Variants in FAM107B observed in about 807,000 individuals in gnomAD.
FAM107B encodes protein FAM107B.
A neutral mutation model predicts 31.5 loss-of-function variants in FAM107B; 21 were observed. The ratio of observed to expected loss-of-function variants is 0.67; its 90% CI spans 0.47 to 0.96. FAM107B has a LOEUF of 0.96. Among genes scored for constraint, FAM107B ranks in the 40% least tolerant of loss-of-function variants. The pLI is 0.00. For synonymous variants in FAM107B, 157 were observed against 141.5 expected, an observed-to-expected ratio of 1.11 and a Z score of -0.78; for missense variants, 452 against 377.1, an observed-to-expected ratio of 1.20 and a Z score of -1.64.
chr10:14,541,587 A>G (rs1848208084), intron 2 of FAM107B, among the ~76,000 whole-genome samples: 1 of 151,946 alleles, frequency 6.6e-6, no homozygotes, highest in Admixed American at 6.5e-5. Flanking sequence ...GACATGTCCT[A>G]CTGTTTGAAC....
At chr10:14,597,160 C>A (rs147994991) in intron 2 of FAM107B, among the ~76,000 whole-genome samples, 64 of 152,274 alleles carry the variant, frequency 4.2e-4, no homozygotes, top group African/African-American at 1.5e-3. Context: ...TATTATGAAG[C>A]CCCCTCTACA....
intron 1 of FAM107B, among the ~76,000 whole-genome samples, chr10:14,695,616 A>C (rs183248284): frequency 1.5e-3 from 224 of 152,318 alleles, no homozygotes; most frequent in Middle Eastern, 3.4e-3. Flanking sequence ...CTTCCAATCC[A>C]TGAGCAGGAG....
chr10:14,548,699 G>C, intron 2 of FAM107B: 1 of 973,216 alleles, frequency 1.0e-6, no homozygotes, highest in Non-Finnish European at 1.2e-6. Context: ...GGCCAGAACA[G>C]TGTCACATGA....
At position 14,603,029 on chromosome 10, in the gene FAM107B, A is replaced by ACT. The variant is rs1554839345; in HGVS notation, c.469+64604_469+64605insAG. Among the ~76,000 whole-genome samples the ACT allele has an allele frequency of 3.0e-4, 46 of 151,286 alleles. 1 individual carries two copies. The East Asian group carries it at 8.7e-3, about 29-fold the overall frequency. On this transcript the variant is annotated intron_variant, in intron 2 of 4. Transcript: ENST00000181796. Reference sequence around the variant, plus strand: ...CACACACACACACACACACACACACACAAACACACTATGGCTGCCAAGTCA... The same window carrying ACT: ...CACACACACACACACACACACACACACTCAAACACACTATGGCTGCCAAGTCA...
intron 2 of FAM107B, among the ~76,000 whole-genome samples, chr10:14,593,985 C>A (rs758898571): frequency 2.0e-5 from 3 of 152,146 alleles, no homozygotes; most frequent in Non-Finnish European, 4.4e-5. Context: ...AAATTCCATT[C>A]ATTAATAGGG....
At chr10:14,741,130 G>A (rs2131573289) in intron 1 of FAM107B, among the ~76,000 whole-genome samples, 1 of 152,240 alleles carries the variant, frequency 6.6e-6, no homozygotes, top group East Asian at 1.9e-4. Flanking sequence ...CTGGCAAGAT[G>A]ACAGCCAGAA....
chr10:14,614,507 T>C (rs751860716), intron 2 of FAM107B, among the ~76,000 whole-genome samples: 1 of 151,698 alleles, frequency 6.6e-6, no homozygotes, highest in Non-Finnish European at 1.5e-5. Context: ...ACCCAGTCTC[T>C]ACTAAAAATA....
intron 2 of FAM107B, among the ~76,000 whole-genome samples, chr10:14,649,628 C>T (rs1463830178): frequency 6.6e-6 from 1 of 152,194 alleles, no homozygotes; most frequent in Non-Finnish European, 1.5e-5. Context: ...CACCTGTGAC[C>T]TGGACACCCC....
chr10:14,689,647 C>T (rs984170135), intron 1 of FAM107B, among the ~76,000 whole-genome samples: 1 of 152,048 alleles, frequency 6.6e-6, no homozygotes, highest in African/African-American at 2.4e-5. Context: ...CAATATTTTT[C>T]GCTTTTAATT....
chr10:14,621,281 C>T (rs993707876), intron 2 of FAM107B, among the ~76,000 whole-genome samples: 8 of 152,102 alleles, frequency 5.3e-5, no homozygotes, highest in Non-Finnish European at 1.0e-4. Flanking sequence ...CATTAAACTG[C>T]TGTTTATATT....
intron 2 of FAM107B, among the ~76,000 whole-genome samples, chr10:14,572,989 C>T (rs1368901612): frequency 6.6e-6 from 1 of 151,762 alleles, no homozygotes; most frequent in Non-Finnish European, 1.5e-5. Context: ...TATACCAAAG[C>T]AGCAAGAGTG....
chr10:14,595,870 C>G (rs1276856541), intron 2 of FAM107B, among the ~76,000 whole-genome samples: 9 of 152,210 alleles, frequency 5.9e-5, no homozygotes, highest in Non-Finnish European at 4.4e-5. Flanking sequence ...ACCAGCGGCA[C>G]CCCGGCTGGT....
chr10:14,564,405 AAT>A (rs1850491551), intron 2 of FAM107B, among the ~76,000 whole-genome samples: 1 of 152,156 alleles, frequency 6.6e-6, no homozygotes, highest in South Asian at 2.1e-4. Context: ...TCTATATCAA[AAT>A]AGTTTTCAAA....
At chr10:14,677,099 C>T (rs1378197538) in intron 1 of FAM107B, among the ~76,000 whole-genome samples, 1 of 152,182 alleles carries the variant, frequency 6.6e-6, no homozygotes, top group Non-Finnish European at 1.5e-5. Context: ...TTTCCCTCCT[C>T]TTTCTATCCA....
chr10:14,570,436 C>G (rs1380174965), intron 2 of FAM107B, among the ~76,000 whole-genome samples: 1 of 152,172 alleles, frequency 6.6e-6, no homozygotes, highest in Non-Finnish European at 1.5e-5. Flanking sequence ...CAAGTACCGA[C>G]AGGTACTGGA....
chr10:14,767,051 TATATAGAGAGAG>T (rs1399077103), intron 1 of FAM107B, among the ~76,000 whole-genome samples: 64 of 31,810 alleles, frequency 2.0e-3, no homozygotes, highest in East Asian at 0.011. Context: ...TATATATATA[TATATAGAGAGAG>T]AGAGAGAGAG....
chr10:14,653,002 G>A (rs1163880045), intron 2 of FAM107B, among the ~76,000 whole-genome samples: 1 of 152,216 alleles, frequency 6.6e-6, no homozygotes, highest in African/African-American at 2.4e-5. Flanking sequence ...TGGACTTCTA[G>A]AAACATGGCC....
intron 2 of FAM107B, among the ~76,000 whole-genome samples, chr10:14,544,326 C>G (rs1190152487): frequency 6.6e-6 from 1 of 152,174 alleles, no homozygotes; most frequent in African/African-American, 2.4e-5. Flanking sequence ...TACATTACAG[C>G]ATCATTCAGT....
intron 1 of FAM107B, among the ~76,000 whole-genome samples, chr10:14,724,948 A>T (rs1588733218): frequency 6.6e-6 from 1 of 152,250 alleles, no homozygotes; most frequent in South Asian, 2.1e-4. Flanking sequence ...TTGCAGAACC[A>T]TCCACAAGGC....
Sources: gnomAD v4.1 joint callset for allele counts (sites outside exome capture counted in the v4.1 genomes callset) on GRCh38, gnomAD v4.1.1 for gene constraint, MANE v1.5 for transcripts, NCBI Gene and HGNC (gene_info 2026-07-23, HGNC 2026-07-21) for gene names.